ZNF385D: variants seen among roughly 807,000 people sequenced by gnomAD.
ZNF385D encodes zinc finger protein 659.
Under a neutral mutation model 35.8 loss-of-function variants are expected in ZNF385D, and 15 were observed. The observed-to-expected ratio is 0.42, with a 90% CI of 0.28 to 0.64. The LOEUF is 0.64. ZNF385D is among the 30% of genes least tolerant of loss of function. The pLI is 0.23. For missense variants in ZNF385D, 474 were observed against 494.6 expected (o/e 0.96, Z 0.39); for synonymous variants, 212 against 186.8 (o/e 1.13, Z -1.10).
At chr3:22,070,566 G>T (rs1480212735) in intron 3 of ZNF385D, among the ~76,000 whole-genome samples, 1 of 152,034 alleles carries the variant, frequency 6.6e-6, no homozygotes, top group African/African-American at 2.4e-5. Context: ...TGTGATGAAA[G>T]ATTATAAAAG....
intron 3 of ZNF385D, among the ~76,000 whole-genome samples, chr3:21,966,578 C>T (rs1471363212): frequency 2.0e-5 from 3 of 152,038 alleles, no homozygotes; most frequent in African/African-American, 7.2e-5. Context: ...AGCAGGTTTA[C>T]TTCTTGTTTG....
At position 21,813,828 on chromosome 3, in the gene ZNF385D, T is replaced by C. The variant is rs542958084; in HGVS notation, c.326-148800A>G. 7.4e-4 allele frequency among the ~76,000 whole-genome samples: 113 copies of C among 152,164 alleles called. 1 individual carries two copies. The highest frequency in any genetic ancestry group is 3.4e-3 in the Middle Eastern group (1 of 294). On this transcript the variant is annotated intron_variant, in intron 3 of 5. Coordinates refer to the ZNF385D transcript ENST00000494108. The stretch of plus-strand genomic sequence containing the variant: ...CCCAATCTAGCAAGGCAGGCCAACA[T>C]TGAAATTCAGGAAATACAGAGAATG...
chr3:21,981,391 A>T (rs4462988), intron 3 of ZNF385D, among the ~76,000 whole-genome samples: 148,782 of 152,320 alleles, frequency 0.98, 72,681 homozygotes, highest in East Asian at 1. Flanking sequence ...TCTGTTCATG[A>T]CTGAACACTT....
rs148945462 is a variant in ZNF385D at position 22,313,589 on chromosome 3, G to A, written c.106+58861C>T. 6.6e-4 allele frequency among the ~76,000 whole-genome samples: 101 copies of A among 152,062 alleles called. 2 individuals are homozygous for A. The East Asian group carries it at 0.018, about 27-fold the overall frequency. On this transcript the variant is annotated intron_variant, in intron 2 of 5. Coordinates refer to the ZNF385D transcript ENST00000494108. Reference sequence around the variant, plus strand: ...AAACAGACAACTCAAGAATTTTATGGTTAAGGGAAAAAAATAACTTAAGCT... The same window carrying A: ...AAACAGACAACTCAAGAATTTTATGATTAAGGGAAAAAAATAACTTAAGCT...
chr3:21,497,289 C>G (rs938280911), intron 4 of ZNF385D, among the ~76,000 whole-genome samples: 1 of 152,074 alleles, frequency 6.6e-6, no homozygotes, highest in Non-Finnish European at 1.5e-5. Context: ...AGAATGCAAT[C>G]CCATTCACAA....
In ZNF385D at chr3:21,576,865, CATT is replaced by C. The variant is rs1404657738; in HGVS notation, c.166-12184_166-12182del. Among the ~76,000 whole-genome samples the C allele has an allele frequency of 7.2e-5, 11 of 152,200 alleles. 1 individual carries two copies. Among genetic ancestry groups the C allele is most frequent in the East Asian group, 5.8e-4 (3 of 5,184 alleles). ...AACAGGTTTTTTCTATACAATAGAA[CATT>C]ATTATTTTTAATTGATACATAATAT... is the stretch of plus-strand genomic sequence containing the variant. On this transcript the variant is annotated intron_variant, in intron 2 of 7. Transcript: ENST00000281523.
At chr3:22,093,549 G>T (rs923490477) in intron 3 of ZNF385D, among the ~76,000 whole-genome samples, 12 of 151,938 alleles carry the variant, frequency 7.9e-5, no homozygotes, top group African/African-American at 2.9e-4. Context: ...ACTACTAGAG[G>T]TTCGAGGATT....
At chr3:21,769,620 A>G (rs1469587568) in intron 3 of ZNF385D, among the ~76,000 whole-genome samples, 13 of 109,284 alleles carry the variant, frequency 1.2e-4, no homozygotes, top group Non-Finnish European at 2.4e-4. Flanking sequence ...TTCCATGCTC[A>G]TGGATAGGAA....
intron 1 of ZNF385D, among the ~76,000 whole-genome samples, chr3:21,729,447 T>C (rs775375892): frequency 2.6e-5 from 4 of 152,082 alleles, no homozygotes; most frequent in African/African-American, 4.8e-5. Flanking sequence ...GATAAAACTG[T>C]CATTTCTACA....
chr3:22,131,237 G>A (rs1330733026), intron 3 of ZNF385D, among the ~76,000 whole-genome samples: 1 of 152,148 alleles, frequency 6.6e-6, no homozygotes, highest in Non-Finnish European at 1.5e-5. Context: ...TGGTCAGGAA[G>A]ACTGGCAAAA....
chr3:21,897,560 C>T (rs1281092492), intron 3 of ZNF385D, among the ~76,000 whole-genome samples: 1 of 152,100 alleles, frequency 6.6e-6, no homozygotes, highest in African/African-American at 2.4e-5. Flanking sequence ...GGCTAACTCT[C>T]ATTTATTTTC....
intron 3 of ZNF385D, among the ~76,000 whole-genome samples, chr3:22,113,699 T>C (rs992961172): frequency 6.6e-6 from 1 of 151,870 alleles, no homozygotes; most frequent in African/African-American, 2.4e-5. Context: ...ATTGACCAAA[T>C]ACAAAAAAGA....
intron 3 of ZNF385D, among the ~76,000 whole-genome samples, chr3:22,068,489 C>T (rs1370627787): frequency 2.6e-5 from 4 of 152,176 alleles, no homozygotes; most frequent in Non-Finnish European, 4.4e-5. Flanking sequence ...CTCTTTCCCT[C>T]TTAAGCTCTA....
intron 2 of ZNF385D, among the ~76,000 whole-genome samples, chr3:22,194,578 A>C (rs181143317): frequency 1.7e-3 from 264 of 152,086 alleles, no homozygotes; most frequent in Non-Finnish European, 1.4e-3. Flanking sequence ...ATTTTAACAT[A>C]TATTTAAATT....
chr3:21,807,196 C>T (rs1315561928), intron 3 of ZNF385D, among the ~76,000 whole-genome samples: 5 of 152,140 alleles, frequency 3.3e-5, no homozygotes, highest in Non-Finnish European at 5.9e-5. Flanking sequence ...TTTATATAAA[C>T]TAAAATATCC....
intron 2 of ZNF385D, among the ~76,000 whole-genome samples, chr3:22,205,050 A>G (rs1173409065): frequency 1.3e-5 from 2 of 151,852 alleles, no homozygotes; most frequent in Non-Finnish European, 2.9e-5. Flanking sequence ...ATTTAACCCA[A>G]AAACAATGAC....
At chr3:22,338,750 G>C (rs1007373307) in intron 2 of ZNF385D, among the ~76,000 whole-genome samples, 2 of 145,974 alleles carry the variant, frequency 1.4e-5, no homozygotes, top group African/African-American at 5.3e-5. Flanking sequence ...ACCCAGGCTG[G>C]AGTACAATGG....
At chr3:21,447,837 T>C (rs552827055) in intron 4 of ZNF385D, among the ~76,000 whole-genome samples, 124 of 152,266 alleles carry the variant, frequency 8.1e-4, no homozygotes, top group African/African-American at 2.9e-3. Context: ...AGGCAGCACA[T>C]ACCATAAAAA....
Position 21,664,974 on chromosome 3 carries a change from G to C in ZNF385D, c.77C>G (p.Pro26Arg). Residue 26 changes from proline to arginine, a missense_variant, in exon 2 of 8, where the codon CCT (proline) becomes CGT (arginine). Transcript: ENST00000281523. Reference sequence around the variant, plus strand: ...TTTAATATCCAGCGATGGTTGCAAAGGAGGGGCTGGTGGACGGACAAGGGC... The same window carrying C: ...TTTAATATCCAGCGATGGTTGCAAACGAGGGGCTGGTGGACGGACAAGGGC... The part of the protein sequence containing the change: ...LPALVRPPAP[P>R]LQPSLDIKPF... 1 of 1,613,644 alleles carries C rather than the reference G, an allele frequency of 6.2e-7. No individual in the cohort carries two copies. The highest frequency in any genetic ancestry group is 8.5e-7 in the Non-Finnish European group (1 of 1,179,700).
Sources: allele counts gnomAD v4.1 joint callset (sites outside exome capture counted in the v4.1 genomes callset), GRCh38; gene constraint gnomAD v4.1.1; transcripts MANE v1.5; gene names NCBI Gene and HGNC (gene_info 2026-07-23, HGNC 2026-07-21).